Variants in PTPRM observed in about 807,000 individuals in gnomAD.
PTPRM encodes receptor-type tyrosine-protein phosphatase mu.
A neutral mutation model predicts 186.7 loss-of-function variants in PTPRM; 47 were observed. The ratio of observed to expected loss-of-function variants is 0.25; its 90% confidence interval spans 0.20 to 0.32. PTPRM has a LOEUF of 0.32. Ranked by LOEUF, PTPRM falls within the 10% of genes least tolerant of loss-of-function variation. PTPRM has a pLI of 1.00. For missense variants in PTPRM, 1,494 were observed against 1,865.0 expected, an observed-to-expected ratio of 0.80 and a Z score of 3.66; for synonymous variants, 668 against 674.9, an observed-to-expected ratio of 0.99 and a Z score of 0.16.
intron 2 of PTPRM, among the ~76,000 whole-genome samples, chr18:7,838,839 G>A (rs2046188411): frequency 6.6e-6 from 1 of 152,226 alleles, no homozygotes; most frequent in Admixed American, 6.5e-5. Context: ...AAGTTTACCT[G>A]GTGTTCTGTT....
At chr18:7,820,297 T>C (rs1306019559) in intron 2 of PTPRM, among the ~76,000 whole-genome samples, 1 of 152,134 alleles carries the variant, frequency 6.6e-6, no homozygotes, top group African/African-American at 2.4e-5. Flanking sequence ...GGCCGGGGAT[T>C]GGTGAGGGCC....
At chr18:7,605,884 TGG>T (rs2037520440) in intron 1 of PTPRM, among the ~76,000 whole-genome samples, 5 of 152,088 alleles carry the variant, frequency 3.3e-5, no homozygotes, top group Admixed American at 3.3e-4. Context: ...AGGTGATATG[TGG>T]GGCCTGGTTC....
intron 26 of PTPRM, chr18:8,377,953 C>T (rs908364217): frequency 4.5e-6 from 1 of 224,350 alleles, no homozygotes; most frequent in African/African-American, 2.3e-5. Context: ...CTACCATAGA[C>T]AAAATTCTGC....
At chr18:7,606,707 A>T (rs1321932106) in intron 1 of PTPRM, among the ~76,000 whole-genome samples, 10 of 152,198 alleles carry the variant, frequency 6.6e-5, no homozygotes, top group Non-Finnish European at 1.5e-4. Flanking sequence ...TGTTTAAAGG[A>T]TAACTAGGCT....
At chr18:8,309,440 A>G (rs2095251408) in intron 20 of PTPRM, among the ~76,000 whole-genome samples, 1 of 152,042 alleles carries the variant, frequency 6.6e-6, no homozygotes, top group African/African-American at 2.4e-5. Context: ...TTATCAATAT[A>G]TATTTATACT....
At position 7,662,816 on chromosome 18, in the gene PTPRM, AT is replaced by A. The variant is rs1192498605; in HGVS notation, c.73+94926del. Among the ~76,000 whole-genome samples the A allele has an allele frequency of 3.3e-5, 5 of 152,298 alleles. No homozygotes were observed. In the East Asian group the frequency reaches 9.6e-4, roughly 29 times the overall value. On this transcript the variant is annotated intron_variant, in intron 1 of 32. Transcript: ENST00000580170. ...ATGCCTGCATCAGAATATCTCATGT[AT>A]CCCATAAATATATACACCTATCAGT...
At chr18:8,191,710 T>A (rs970441454) in intron 14 of PTPRM, among the ~76,000 whole-genome samples, 1 of 151,984 alleles carries the variant, frequency 6.6e-6, no homozygotes, top group African/African-American at 2.4e-5. Flanking sequence ...AGCAGGGGAA[T>A]GGGGAGGAGG....
intron 14 of PTPRM, among the ~76,000 whole-genome samples, chr18:8,206,478 G>T (rs1245971079): frequency 6.6e-6 from 1 of 151,990 alleles, no homozygotes; most frequent in East Asian, 1.9e-4. Context: ...TCGATCTCCT[G>T]ACCTCATCAT....
At chr18:8,034,441 C>T (rs2086197133) in intron 7 of PTPRM, among the ~76,000 whole-genome samples, 1 of 152,118 alleles carries the variant, frequency 6.6e-6, no homozygotes, top group Non-Finnish European at 1.5e-5. Context: ...GCAAAATCTC[C>T]ATTCATCTGT....
intron 7 of PTPRM, among the ~76,000 whole-genome samples, chr18:8,032,600 G>A (rs1043138582): frequency 2.6e-5 from 4 of 151,976 alleles, no homozygotes; most frequent in African/African-American, 7.2e-5. Flanking sequence ...ATGAAGACTT[G>A]CAAAATATTT....
At chr18:8,165,740 G>A (rs968212546) in intron 14 of PTPRM, among the ~76,000 whole-genome samples, 1 of 152,172 alleles carries the variant, frequency 6.6e-6, no homozygotes, top group African/African-American at 2.4e-5. Context: ...GTAACAGTGA[G>A]GGTGGCACAA....
Position 8,264,791 on chromosome 18 carries a change from AAAG to A in PTPRM, c.2754+11379_2754+11381del, listed in dbSNP as rs201654333. Reference sequence around the variant, plus strand: ...CTCCATCTCAAAAAAAAAAAAAAAAAAAGAGTACACACCTACACACACAGCACA... The same window carrying A: ...CTCCATCTCAAAAAAAAAAAAAAAAAAGTACACACCTACACACACAGCACA... On this transcript the variant is annotated intron_variant, in intron 19 of 32. Coordinates refer to ENST00000580170, the MANE Select transcript of PTPRM (RefSeq NM_001105244.2). Among the ~76,000 whole-genome samples, 262 of 150,954 alleles carry A rather than the reference AAAG, an allele frequency of 1.7e-3. 3 individuals carry two copies. The highest frequency in any genetic ancestry group is 0.01 in the Middle Eastern group (3 of 290).
chr18:7,669,668 C>T (rs1393545072), intron 1 of PTPRM, among the ~76,000 whole-genome samples: 1 of 152,282 alleles, frequency 6.6e-6, no homozygotes, highest in East Asian at 1.9e-4. Context: ...TTGCCGTTCC[C>T]TCCCCATGCA....
chr18:8,283,870 C>T (rs375657648), intron 19 of PTPRM, among the ~76,000 whole-genome samples: 1 of 152,146 alleles, frequency 6.6e-6, no homozygotes, highest in East Asian at 1.9e-4. Context: ...AGGCTTCTGC[C>T]TTGTCTTCCC....
At chr18:8,243,269 CT>C (rs2094448510) in intron 14 of PTPRM, among the ~76,000 whole-genome samples, 2 of 152,016 alleles carry the variant, frequency 1.3e-5, no homozygotes, top group Non-Finnish European at 1.5e-5. Context: ...AATCTCTCTG[CT>C]TTTTTTTCAT....
At chr18:7,653,150 T>C (rs62089828) in intron 1 of PTPRM, among the ~76,000 whole-genome samples, 24 of 139,322 alleles carry the variant, frequency 1.7e-4, no homozygotes, top group East Asian at 1.1e-3. Flanking sequence ...TTATTATTAT[T>C]ATCATTATTG....
At position 8,384,758 on chromosome 18, in the gene PTPRM, C is replaced by A. The variant is rs1251064504; in HGVS notation, c.4044+72C>A. On this transcript the variant is annotated intron_variant, in intron 30 of 32. Coordinates refer to ENST00000580170, the MANE Select transcript of PTPRM (RefSeq NM_001105244.2). ...TCTCACTCACTGAATACTTGGAGCA[C>A]TCACTCTATGTCAGTCACTGTTCCA... 5.1e-6 allele frequency: 8 copies of A among 1,572,276 alleles called. No homozygotes were observed. The East Asian group carries it at 1.6e-4, about 31-fold the overall frequency.
At chr18:7,959,214 T>C (rs12456263) in intron 7 of PTPRM, among the ~76,000 whole-genome samples, 8,109 of 152,316 alleles carry the variant, frequency 0.053, 285 homozygotes, top group Non-Finnish European at 0.077. Flanking sequence ...ATTTTTGTCT[T>C]TTAATATTTT....
intron 7 of PTPRM, among the ~76,000 whole-genome samples, chr18:8,006,808 C>T (rs1199976979): frequency 2.6e-5 from 4 of 152,130 alleles, no homozygotes; most frequent in South Asian, 2.1e-4. Flanking sequence ...GCAAAGTGGC[C>T]GCTTGTTGCA....
Sources: gnomAD v4.1 joint callset for allele counts (sites outside exome capture counted in the v4.1 genomes callset) on GRCh38, gnomAD v4.1.1 for gene constraint, MANE v1.5 for transcripts, NCBI Gene and HGNC (gene_info 2026-07-23, HGNC 2026-07-21) for gene names.